KIF26B: variants seen among roughly 807,000 people sequenced by gnomAD.
KIF26B encodes kinesin-like protein KIF26B.
In KIF26B, 63 loss-of-function variants were observed where a neutral mutation model predicts 151.2. The observed-to-expected ratio is 0.42, with a 90% CI of 0.34 to 0.51. The LOEUF (loss-of-function observed/expected upper bound fraction) is 0.51. Among genes scored for constraint, KIF26B ranks in the 20% least tolerant of loss-of-function variants. The pLI is 0.07. For synonymous variants in KIF26B, 1,357 were observed against 1,262.1 expected (o/e 1.08, Z -1.59); for missense variants, 2,813 against 2,913.6 (o/e 0.97, Z 0.79).
At chr1:245,595,191 A>G (rs1010909332) in intron 5 of KIF26B, among the ~76,000 whole-genome samples, 5 of 152,198 alleles carry the variant, frequency 3.3e-5, no homozygotes, top group Non-Finnish European at 7.3e-5. Flanking sequence ...CAGAACTTCC[A>G]ATACCATATT....
chr1:245,348,418 C>T lies in KIF26B; in HGVS notation c.466-18416C>T, dbSNP rs144481732. ...CACCACAGTCTGGGTGGCTTATAAA[C>T]GACAGAAATGTATGTATTTCTTACA... On this transcript the variant is annotated intron_variant, in intron 2 of 14. Transcript: ENST00000407071. 3.0e-4 allele frequency among the ~76,000 whole-genome samples: 45 copies of T among 152,290 alleles called. No individual in the cohort carries two copies. The East Asian group carries it at 7.7e-3, about 26-fold the overall frequency.
intron 10 of KIF26B, among the ~76,000 whole-genome samples, chr1:245,662,525 ACCC>A (rs950122430): frequency 6.7e-6 from 1 of 148,548 alleles, no homozygotes; most frequent in African/African-American, 2.5e-5. Flanking sequence ...ATATACACAC[ACCC>A]CCAATATATA....
chr1:245,351,700 G>T (rs1026158776), intron 2 of KIF26B, among the ~76,000 whole-genome samples: 3 of 152,194 alleles, frequency 2.0e-5, no homozygotes, highest in Non-Finnish European at 4.4e-5. Context: ...GGCAAAGCTT[G>T]GACTAAAACC....
In KIF26B at chr1:245,264,797, G is replaced by A. The variant is rs1249427687; in HGVS notation, c.466-102037G>A. On this transcript the variant is annotated intron_variant, in intron 2 of 14. Transcript: ENST00000407071. ...AGTCCCAGCTACTCTAGAGGCTGACGTAGGAGAATGGTGTGAACCCAGGAG... is the reference window on the plus strand; with the variant it reads ...AGTCCCAGCTACTCTAGAGGCTGACATAGGAGAATGGTGTGAACCCAGGAG... 5.3e-5 allele frequency among the ~76,000 whole-genome samples: 8 copies of A among 151,730 alleles called. No individual in the cohort carries two copies. The East Asian group carries it at 1.6e-3, about 29-fold the overall frequency.
At chr1:245,451,657 G>A (rs12048893) in intron 4 of KIF26B, among the ~76,000 whole-genome samples, 33,835 of 137,968 alleles carry the variant, frequency 0.25, 4,079 homozygotes, top group Admixed American at 0.33. Flanking sequence ...GGCAAGTGCA[G>A]TGGCACAATC....
At chr1:245,504,682 C>T (rs1660696544) in intron 4 of KIF26B, among the ~76,000 whole-genome samples, 1 of 151,922 alleles carries the variant, frequency 6.6e-6, no homozygotes, top group South Asian at 2.1e-4. Flanking sequence ...CTCAAGAGTC[C>T]TCCCATCTTG....
rs1229801210 is a variant in KIF26B at position 245,218,897 on chromosome 1, G to C, written c.465+62214G>C. Among the ~76,000 whole-genome samples, 1 of 152,082 alleles carries C rather than the reference G, an allele frequency of 6.6e-6. No homozygotes were observed. The highest frequency in any genetic ancestry group is 1.5e-5 in the Non-Finnish European group (1 of 68,018). On this transcript the variant is annotated intron_variant, in intron 2 of 14. Coordinates refer to ENST00000407071, the MANE Select transcript of KIF26B (RefSeq NM_018012.4). The surrounding 1 kb of genome is among the most constrained non-coding windows in gnomAD (Gnocchi z 4.1). ...ACAGGCAGCTGACTCAGCCAGACCT[G>C]AAACCCTTTCCCCGGTTCTTGTTGG...
intron 5 of KIF26B, among the ~76,000 whole-genome samples, chr1:245,558,143 G>C (rs575233943): frequency 2.3e-3 from 353 of 152,258 alleles, no homozygotes; most frequent in Non-Finnish European, 4.0e-3. Flanking sequence ...AGGGGACTGA[G>C]CTTGGAGAAG....
chr1:245,371,644 A>G (rs979715889), intron 3 of KIF26B: 1 of 152,202 alleles, frequency 6.6e-6, no homozygotes, highest in African/African-American at 2.4e-5. Context: ...CATGGGCGAC[A>G]GAAGGTCCCT....
chr1:245,536,455 G>A (rs1423724744), intron 4 of KIF26B, among the ~76,000 whole-genome samples: 2 of 152,080 alleles, frequency 1.3e-5, no homozygotes, highest in Non-Finnish European at 2.9e-5. Flanking sequence ...CAATAAACAT[G>A]GTAACCAAGT....
At chr1:245,360,323 A>G (rs1162723097) in intron 2 of KIF26B, among the ~76,000 whole-genome samples, 2 of 152,134 alleles carry the variant, frequency 1.3e-5, no homozygotes, top group Non-Finnish European at 2.9e-5. Context: ...CATCCTCCTT[A>G]TCCTCATCCC....
intron 2 of KIF26B, among the ~76,000 whole-genome samples, chr1:245,364,389 G>A (rs1028894295): frequency 6.7e-6 from 1 of 149,380 alleles, no homozygotes; most frequent in Non-Finnish European, 1.5e-5. Flanking sequence ...AAACTGTGAT[G>A]TGCAGACATG....
intron 10 of KIF26B, among the ~76,000 whole-genome samples, chr1:245,654,825 G>A (rs1470025821): frequency 6.6e-6 from 1 of 152,238 alleles, no homozygotes; most frequent in Non-Finnish European, 1.5e-5. Flanking sequence ...AGCAGGAGAG[G>A]TTATCACCCA....
intron 2 of KIF26B, among the ~76,000 whole-genome samples, chr1:245,335,352 G>T (rs756750649): frequency 5.3e-5 from 8 of 152,142 alleles, no homozygotes; most frequent in Non-Finnish European, 1.2e-4. Context: ...GCTCCTGCTT[G>T]TGGTTTACCT....
rs1057205025 is a variant in KIF26B, at chr1:245,160,147, C to T, written c.465+3464C>T. Among the ~76,000 whole-genome samples, 7 of 152,168 alleles carry T rather than the reference C, an allele frequency of 4.6e-5. No individual in the cohort carries two copies. The South Asian group carries it at 6.2e-4, about 14-fold the overall frequency. On this transcript the variant is annotated intron_variant, in intron 2 of 14. Coordinates refer to ENST00000407071, the MANE Select transcript of KIF26B (RefSeq NM_018012.4). ...GTTGATACTCTGTATTCATCCTTTC[C>T]GATAGCAACTTACCTGGTGAGTAGA...
At chr1:245,202,624 G>A (rs1397888734) in intron 2 of KIF26B, among the ~76,000 whole-genome samples, 2 of 152,142 alleles carry the variant, frequency 1.3e-5, no homozygotes, top group Non-Finnish European at 2.9e-5. Flanking sequence ...GCCGGACGTG[G>A]TGGCGGGCGC....
At chr1:245,439,888 T>A (rs1659026479) in intron 4 of KIF26B, among the ~76,000 whole-genome samples, 1 of 152,194 alleles carries the variant, frequency 6.6e-6, no homozygotes, top group South Asian at 2.1e-4. Flanking sequence ...ACCTTACCCT[T>A]GGGCAAAGTG....
chr1:245,634,394 T>C (rs12407910), intron 9 of KIF26B, among the ~76,000 whole-genome samples: 34,923 of 152,150 alleles, frequency 0.23, 4,257 homozygotes, highest in East Asian at 0.38. Context: ...GTGGACATGC[T>C]TGTCTTGCTC....
rs1238157354 is a variant in KIF26B at position 245,699,030 on chromosome 1, C to T, written c.6171C>T (p.Leu2057=). The part of the protein sequence containing the change: ...QYLMLDPNKW[L]SEFDLEQVWE... ...TGATGCTGGATCCCAACAAGTGGCT[C>T]AGTGAATGTAAGGCCGGGGTGCCTT... is the stretch of plus-strand genomic sequence containing the variant. The change falls in exon 14 of 15, where the codon CTC becomes CTT. Residue 2057 remains leucine, a synonymous_variant. Coordinates refer to ENST00000407071, the MANE Select transcript of KIF26B (RefSeq NM_018012.4). The T allele has an allele frequency of 1.2e-6, 2 of 1,613,614 alleles. No homozygotes were observed. Among genetic ancestry groups the T allele is most frequent in the South Asian group, 2.2e-5 (2 of 91,038 alleles).
Sources: gnomAD v4.1 joint callset for allele counts (sites outside exome capture counted in the v4.1 genomes callset) on GRCh38, gnomAD v4.1.1 for gene constraint, Gnocchi (gnomAD v3.1) non-coding constraint, MANE v1.5 for transcripts, NCBI Gene and HGNC (gene_info 2026-07-23, HGNC 2026-07-21) for gene names.